The following CHST9 variants were observed in gnomAD, a reference collection of about 807,000 sequenced individuals.
CHST9 encodes the protein carbohydrate sulfotransferase 9, also known as GalNAc-4-sulfotransferase 2.
Under a neutral mutation model 44.4 loss-of-function variants are expected in CHST9, and 41 were observed. That is an observed-to-expected ratio of 0.92 (90% CI 0.72 to 1.20). The LOEUF (loss-of-function observed/expected upper bound fraction) is 1.20. CHST9 is among the 50% of genes most tolerant of loss of function. The pLI is 0.00. For synonymous variants in CHST9, 171 were observed against 178.4 expected (o/e 0.96, Z 0.33); for missense variants, 504 against 516.5 (o/e 0.98, Z 0.23).
intron 2 of CHST9, among the ~76,000 whole-genome samples, chr18:27,123,513 G>A (rs566076853): frequency 2.6e-5 from 4 of 152,218 alleles, no homozygotes; most frequent in Admixed American, 2.0e-4. Context: ...CATAAAGATA[G>A]ACCATCATGC....
chr18:26,914,019 G>T lies in CHST9; in HGVS notation c.*2240C>A, dbSNP rs1027276164. 3.3e-5 allele frequency: 5 copies of T among 152,144 alleles called. No homozygotes were observed. Among genetic ancestry groups the T allele is most frequent in the Non-Finnish European group, 7.3e-5 (5 of 68,044 alleles). 9.4% of individuals were successfully genotyped at this position (152,144 alleles called of 1,614,324 possible). ...CACTTGGCATCATAGAGCCCATTTA[G>T]GAAAAGAATGACCCATGGTGACACG... On this transcript the variant is annotated 3_prime_UTR_variant, in exon 6 of 6. Transcript: ENST00000618847.
chr18:27,069,676 T>C (rs1182445768), intron 2 of CHST9, among the ~76,000 whole-genome samples: 3 of 152,174 alleles, frequency 2.0e-5, no homozygotes, highest in African/African-American at 4.8e-5. Context: ...GCACTATAAC[T>C]CCAGTTTCCA....
intron 5 of CHST9, among the ~76,000 whole-genome samples, chr18:26,921,426 G>T (rs1423619676): frequency 6.6e-6 from 1 of 152,154 alleles, no homozygotes; most frequent in Non-Finnish European, 1.5e-5. Context: ...TGGGAAAAGG[G>T]TTAATTCTCT....
chr18:27,151,987 T>G (rs1047106527), intron 1 of CHST9, among the ~76,000 whole-genome samples: 3 of 152,220 alleles, frequency 2.0e-5, no homozygotes, highest in Non-Finnish European at 2.9e-5. Context: ...TAAAGTTGCT[T>G]TGAATGGGTA....
At chr18:26,944,823 C>T (rs574454794) in intron 4 of CHST9, among the ~76,000 whole-genome samples, 31 of 152,142 alleles carry the variant, frequency 2.0e-4, no homozygotes, top group African/African-American at 6.5e-4. Context: ...ACATTTCTTA[C>T]GTGGGAAGTG....
intron 3 of CHST9, among the ~76,000 whole-genome samples, chr18:27,047,715 G>A (rs2057521504): frequency 6.6e-6 from 1 of 152,058 alleles, no homozygotes. Flanking sequence ...CACAGGAATA[G>A]TGGGTTGGTA....
chr18:27,039,297 A>G (rs902739357), intron 3 of CHST9, among the ~76,000 whole-genome samples: 2 of 152,208 alleles, frequency 1.3e-5, no homozygotes, highest in Non-Finnish European at 2.9e-5. Context: ...GAATGGATAA[A>G]TAAAATGCAA....
intron 4 of CHST9, among the ~76,000 whole-genome samples, chr18:26,994,731 G>C (rs780173543): frequency 6.6e-6 from 1 of 152,066 alleles, no homozygotes; most frequent in Non-Finnish European, 1.5e-5. Context: ...TGGGATTACA[G>C]GTGTGTATCA....
chr18:26,927,110 CT>C (rs2055782014), intron 5 of CHST9, among the ~76,000 whole-genome samples: 1 of 152,148 alleles, frequency 6.6e-6, no homozygotes, highest in Non-Finnish European at 1.5e-5. Flanking sequence ...ACTCTGACAC[CT>C]TGTTCTAAAG....
rs137873324 is a variant in CHST9 at position 26,973,530 on chromosome 18, G to T, written c.203-29164C>A. Among the ~76,000 whole-genome samples the T allele has an allele frequency of 6.4e-3, 975 of 152,376 alleles. 7 individuals carry two copies. The highest frequency in any genetic ancestry group is 0.013 in the South Asian group (62 of 4,832). ...CAGGCGGCATGCGGCCCAGAATGGC[G>T]TTGAATGTGGCCGAACACAAATTTG... On this transcript the variant is annotated intron_variant, in intron 4 of 5. Coordinates refer to ENST00000618847, the MANE Select transcript of CHST9 (RefSeq NM_031422.6).
chr18:27,072,679 C>T (rs2057854009), intron 2 of CHST9, among the ~76,000 whole-genome samples: 1 of 152,132 alleles, frequency 6.6e-6, no homozygotes, highest in African/African-American at 2.4e-5. Context: ...TGACAGATAG[C>T]TTCTTTCCTA....
intron 2 of CHST9, among the ~76,000 whole-genome samples, chr18:27,101,912 A>T (rs960254420): frequency 2.0e-5 from 3 of 152,196 alleles, no homozygotes; most frequent in African/African-American, 7.2e-5. Flanking sequence ...AAGACTACAC[A>T]ATTGTTCCTT....
chr18:26,920,187 T>C (rs232319), intron 5 of CHST9, among the ~76,000 whole-genome samples: 87,896 of 152,088 alleles, frequency 0.58, 25,744 homozygotes, highest in East Asian at 0.73. Flanking sequence ...CAAACTTGGT[T>C]ATCACCAGAG....
intron 1 of CHST9, among the ~76,000 whole-genome samples, chr18:27,155,128 A>G (rs893950846): frequency 6.6e-5 from 10 of 150,704 alleles, no homozygotes; most frequent in Admixed American, 4.6e-4. Context: ...TATGTGCTTC[A>G]GTTACATCTA....
chr18:27,006,510 A>G (rs2057017625), intron 4 of CHST9, among the ~76,000 whole-genome samples: 1 of 152,134 alleles, frequency 6.6e-6, no homozygotes, highest in African/African-American at 2.4e-5. Context: ...TTTAATTTCC[A>G]TTCACTTGAT....
chr18:26,995,299 G>A (rs890997327), intron 4 of CHST9, among the ~76,000 whole-genome samples: 3 of 151,178 alleles, frequency 2.0e-5, no homozygotes, highest in Non-Finnish European at 2.9e-5. Context: ...TTAGCTGGGC[G>A]TGGTGGTGGG....
At chr18:26,940,077 C>A (rs144941989) in intron 5 of CHST9, among the ~76,000 whole-genome samples, 20 of 152,274 alleles carry the variant, frequency 1.3e-4, no homozygotes, top group Non-Finnish European at 2.2e-4. Context: ...TCACAGGGCC[C>A]ACACAGCCTG....
At chr18:27,077,602 A>G (rs2057917802) in intron 2 of CHST9, among the ~76,000 whole-genome samples, 1 of 152,192 alleles carries the variant, frequency 6.6e-6, no homozygotes, top group Non-Finnish European at 1.5e-5. Flanking sequence ...CAACTAAGAA[A>G]TAAACTTCTT....
intron 2 of CHST9, among the ~76,000 whole-genome samples, chr18:27,127,755 A>G (rs17632975): frequency 0.31 from 47,868 of 152,066 alleles, 8,183 homozygotes; most frequent in Non-Finnish European, 0.39. Flanking sequence ...GGGCAAGACC[A>G]CTGAGGAGGC....
Sources: allele counts gnomAD v4.1 joint callset (sites outside exome capture counted in the v4.1 genomes callset), GRCh38; gene constraint gnomAD v4.1.1; transcripts MANE v1.5; gene names NCBI Gene and HGNC (gene_info 2026-07-23, HGNC 2026-07-21).